CPNE4: variants seen among roughly 807,000 people sequenced by gnomAD.
CPNE4 encodes copine 4.
Under a neutral mutation model 67.9 loss-of-function variants are expected in CPNE4, and 25 were observed. The observed-to-expected ratio is 0.37, with a 90% CI of 0.27 to 0.51. The LOEUF (loss-of-function observed/expected upper bound fraction) is 0.51, where lower values mean the gene tolerates loss of function less well. Among genes scored for constraint, CPNE4 ranks in the 20% least tolerant of loss-of-function variants. The pLI, the probability that CPNE4 is intolerant of heterozygous loss-of-function variation, is 0.93. For synonymous variants in CPNE4, 242 were observed against 244.9 expected (o/e 0.99, Z 0.11); for missense variants, 464 against 690.8 (o/e 0.67, Z 3.68).
intron 7 of CPNE4, among the ~76,000 whole-genome samples, chr3:131,597,791 A>G (rs1359310574): frequency 2.6e-5 from 4 of 152,228 alleles, no homozygotes; most frequent in African/African-American, 2.4e-5. Context: ...TTGCTTTAAC[A>G]TATTGCTAAT....
intron 2 of CPNE4, among the ~76,000 whole-genome samples, chr3:131,775,418 G>A (rs2083268789): frequency 6.6e-6 from 1 of 152,064 alleles, no homozygotes; most frequent in African/African-American, 2.4e-5. Flanking sequence ...AAGAGAAAGG[G>A]GATAGGTAAT....
At chr3:132,018,147 T>C (rs2073924983) in intron 1 of CPNE4, among the ~76,000 whole-genome samples, 2 of 131,658 alleles carry the variant, frequency 1.5e-5, no homozygotes, top group Non-Finnish European at 3.3e-5. Flanking sequence ...AGTGTGTGAG[T>C]GTTAATGTAT....
chr3:131,717,884 T>TTTC (rs2081753675), intron 3 of CPNE4, among the ~76,000 whole-genome samples: 3 of 13,080 alleles, frequency 2.3e-4, no homozygotes, highest in Non-Finnish European at 3.5e-4. Context: ...TTTTCTTTCT[T>TTTC]TCTTTCTTTC....
chr3:131,705,272 G>A (rs528915981), intron 3 of CPNE4, among the ~76,000 whole-genome samples: 1 of 152,148 alleles, frequency 6.6e-6, no homozygotes, highest in East Asian at 1.9e-4. Flanking sequence ...CAGCAGCAAG[G>A]CTGGGGAGCT....
chr3:131,909,002 T>C (rs961086178), intron 1 of CPNE4, among the ~76,000 whole-genome samples: 1 of 152,202 alleles, frequency 6.6e-6, no homozygotes, highest in African/African-American at 2.4e-5. Context: ...AAATCATTCA[T>C]GCTTTCACTA....
chr3:131,721,544 T>C (rs1269482852), intron 3 of CPNE4, among the ~76,000 whole-genome samples: 3 of 151,930 alleles, frequency 2.0e-5, no homozygotes, highest in African/African-American at 7.3e-5. Flanking sequence ...TATAGGCACC[T>C]GCCACCACAC....
chr3:132,023,526 C>A (rs558748310), intron 1 of CPNE4, among the ~76,000 whole-genome samples: 19 of 129,660 alleles, frequency 1.5e-4, no homozygotes, highest in Non-Finnish European at 2.6e-4. Flanking sequence ...CTCGCTCTGT[C>A]GCCCAGGCTG....
intron 6 of CPNE4, among the ~76,000 whole-genome samples, chr3:131,681,663 C>A (rs756241339): frequency 2.0e-5 from 3 of 151,986 alleles, no homozygotes; most frequent in African/African-American, 4.8e-5. Context: ...ATGTTGATAT[C>A]TTTTTCTAAG....
intron 7 of CPNE4, among the ~76,000 whole-genome samples, chr3:131,606,890 G>T (rs1368959020): frequency 6.6e-6 from 1 of 151,734 alleles, no homozygotes; most frequent in Non-Finnish European, 1.5e-5. Flanking sequence ...TCAGTTCCCA[G>T]AAGCTTATTT....
chr3:131,662,914 A>T (rs375286812), intron 7 of CPNE4, among the ~76,000 whole-genome samples: 1 of 152,208 alleles, frequency 6.6e-6, no homozygotes, highest in South Asian at 2.1e-4. Context: ...TGATTCCTCA[A>T]GGATCTAGAA....
rs2073492409 is a variant in CPNE4 at position 132,002,873 on chromosome 3, C to T, written c.-2+31694G>A. On this transcript the variant is annotated intron_variant, in intron 1 of 15. Transcript: ENST00000429747. Reference sequence around the variant, plus strand: ...CTATCCCTTCTGATAGGCTGATGATCCCAATGAAGACAACAGCTGTCAGTT... The same window carrying T: ...CTATCCCTTCTGATAGGCTGATGATTCCAATGAAGACAACAGCTGTCAGTT... Among the ~76,000 whole-genome samples, 4 of 152,010 alleles carry T rather than the reference C, an allele frequency of 2.6e-5. No individual in the cohort carries two copies. The South Asian group carries it at 8.3e-4, about 32-fold the overall frequency.
At chr3:131,942,461 TGTGAGAGAGAGAGAGAGAGAGA>T (rs1289004363) in intron 1 of CPNE4, among the ~76,000 whole-genome samples, 35 of 57,654 alleles carry the variant, frequency 6.1e-4, no homozygotes, top group Middle Eastern at 9.6e-3. Context: ...TGTGTGTGTG[TGTGAGAGAGAGAGAGAGAGAGA>T]GAGAGAGAGA....
At chr3:131,768,260 G>A (rs558926353) in intron 2 of CPNE4, among the ~76,000 whole-genome samples, 1 of 152,174 alleles carries the variant, frequency 6.6e-6, no homozygotes, top group African/African-American at 2.4e-5. Flanking sequence ...TCAGAGCCCA[G>A]GAATTTCAAT....
chr3:131,792,252 T>G (rs2083745639), intron 2 of CPNE4, among the ~76,000 whole-genome samples: 1 of 152,102 alleles, frequency 6.6e-6, no homozygotes. Flanking sequence ...ATATAATAAA[T>G]TCTTTAGTTC....
rs76583477 is a variant in CPNE4 at position 131,556,787 on chromosome 3, A to T, written c.1062-1236T>A. On this transcript the variant is annotated intron_variant, in intron 11 of 15. Transcript: ENST00000429747. ...GAGTTTCTCTCTTAATTATGCATTC[A>T]CATATATTGGATCTTAACTCTAACT... 7.1e-3 allele frequency among the ~76,000 whole-genome samples: 1,078 copies of T among 152,240 alleles called. 17 individuals carry two copies. The highest frequency in any genetic ancestry group is 0.025 in the African/African-American group (1,022 of 41,554).
chr3:131,684,898 G>A (rs1583019485), intron 6 of CPNE4, among the ~76,000 whole-genome samples: 2 of 152,200 alleles, frequency 1.3e-5, no homozygotes, highest in East Asian at 3.8e-4. Flanking sequence ...AAGGTAATAA[G>A]AGATAAAGTT....
At chr3:131,964,685 A>C (rs979796322) in intron 1 of CPNE4, among the ~76,000 whole-genome samples, 1 of 152,054 alleles carries the variant, frequency 6.6e-6, no homozygotes, top group Non-Finnish European at 1.5e-5. Context: ...AAAAGAATGA[A>C]AAGGAACAAG....
intron 1 of CPNE4, among the ~76,000 whole-genome samples, chr3:131,993,643 G>A (rs1054637506): frequency 7.4e-6 from 1 of 134,278 alleles, no homozygotes; most frequent in Admixed American, 8.5e-5. Flanking sequence ...CTAACCCACA[G>A]GAAAAATTCT....
intron 2 of CPNE4, among the ~76,000 whole-genome samples, chr3:131,763,863 CAG>C (rs1379567862): frequency 2.6e-5 from 4 of 151,972 alleles, no homozygotes; most frequent in African/African-American, 7.2e-5. Flanking sequence ...GAAAATAAAA[CAG>C]AAATATCCAA....
Sources: allele counts gnomAD v4.1 joint callset (sites outside exome capture counted in the v4.1 genomes callset), GRCh38; gene constraint gnomAD v4.1.1; transcripts MANE v1.5; gene names NCBI Gene and HGNC (gene_info 2026-07-23, HGNC 2026-07-21).